The following EFHC2 variants were observed in gnomAD, a reference collection of about 807,000 sequenced individuals.
EFHC2 encodes EF-hand domain containing 2.
In EFHC2, 18 loss-of-function variants were observed where a neutral mutation model predicts 52.7. The ratio of observed to expected loss-of-function variants is 0.34; its 90% confidence interval spans 0.24 to 0.51. EFHC2 has a LOEUF of 0.51. Among genes scored for constraint, EFHC2 ranks in the 20% least tolerant of loss-of-function variants. EFHC2 has a pLI of 0.97. For missense variants in EFHC2, 513 were observed against 562.5 expected (o/e 0.91, Z 0.89); for synonymous variants, 203 against 204.1 (o/e 0.99, Z 0.04).
chrX:44,179,776 CTG>C (rs2036819721), intron 11 of EFHC2, among the ~76,000 whole-genome samples: 1 of 112,317 alleles, frequency 8.9e-6, no homozygotes, highest in South Asian at 3.7e-4. Flanking sequence ...ATGGAAAACA[CTG>C]TAAAAGGCTC....
chrX:44,184,827 A>G (rs1276301066), intron 11 of EFHC2, among the ~76,000 whole-genome samples: 1 of 110,477 alleles, frequency 9.1e-6, no homozygotes, highest in Non-Finnish European at 1.9e-5. Flanking sequence ...TCACACTCTA[A>G]CGGTATATAA....
intron 13 of EFHC2, among the ~76,000 whole-genome samples, chrX:44,166,532 A>G (rs1435400162): frequency 6.3e-5 from 7 of 111,436 alleles, no homozygotes; most frequent in African/African-American, 2.3e-4. Flanking sequence ...AGTCCATTTG[A>G]AGATATAAAT....
At chrX:44,279,820 T>G (rs2037688355) in intron 2 of EFHC2, among the ~76,000 whole-genome samples, 1 of 110,015 alleles carries the variant, frequency 9.1e-6, no homozygotes, top group South Asian at 3.8e-4. Context: ...ATTATATAAC[T>G]CTCCAGGATA....
At chrX:44,325,056 T>C (rs2038043851) in intron 1 of EFHC2, among the ~76,000 whole-genome samples, 1 of 112,144 alleles carries the variant, frequency 8.9e-6, no homozygotes, top group Admixed American at 9.5e-5. Flanking sequence ...TTGCTATTGT[T>C]ATTCTAATTG....
chrX:44,232,586 G>A lies in EFHC2; in HGVS notation c.1515C>T (p.Ala505=), dbSNP rs756531437. Residue 505 remains alanine (A), a synonymous_variant, in exon 10 of 15, where the codon GCC becomes GCT. Coordinates refer to ENST00000420999, the MANE Select transcript of EFHC2 (RefSeq NM_025184.4). The part of the protein sequence containing the change: ...FKSELSEYIK[A]EELYIGVTVN... ...CCGTGACTCCAATGTACAGCTCCTC[G>A]GCCTTGATATATTCAGATAGTTCAC... 6.7e-6 allele frequency: 8 copies of A among 1,192,205 alleles called. No homozygotes were observed. The highest frequency in any genetic ancestry group is 2.3e-4 in the Middle Eastern group (1 of 4,343).
At chrX:44,305,626 C>T (rs1278769633) in intron 2 of EFHC2, among the ~76,000 whole-genome samples, 1 of 112,518 alleles carries the variant, frequency 8.9e-6, no homozygotes. Flanking sequence ...GGCCCTGCTC[C>T]TGATCATTGT....
intron 1 of EFHC2, among the ~76,000 whole-genome samples, chrX:44,334,935 C>A (rs960198189): frequency 9.1e-6 from 1 of 110,374 alleles, no homozygotes; most frequent in Admixed American, 9.8e-5. Flanking sequence ...TTTATTGCAA[C>A]ATTATTGGAT....
At chrX:44,339,178 G>A (rs1482151512) in intron 1 of EFHC2, among the ~76,000 whole-genome samples, 2 of 86,479 alleles carry the variant, frequency 2.3e-5, no homozygotes, top group African/African-American at 5.3e-5. Context: ...GTGACAGAGC[G>A]AGACTCCATC....
chrX:44,274,400 G>C (rs1279965330), intron 2 of EFHC2, among the ~76,000 whole-genome samples: 1 of 111,836 alleles, frequency 8.9e-6, no homozygotes, highest in East Asian at 2.8e-4. Context: ...TTTCCTTCTG[G>C]GGTGACAAAA....
intron 2 of EFHC2, among the ~76,000 whole-genome samples, chrX:44,279,465 GACT>G (rs1249135008): frequency 1.8e-5 from 2 of 111,256 alleles, no homozygotes; most frequent in Non-Finnish European, 3.8e-5. Flanking sequence ...TAAATCCAAG[GACT>G]TTTTAAATAA....
chrX:44,203,716 A>T (rs1458315270), intron 11 of EFHC2, among the ~76,000 whole-genome samples: 2 of 111,221 alleles, frequency 1.8e-5, no homozygotes, highest in African/African-American at 6.6e-5. Context: ...CCTCCCCAGT[A>T]TCTGGAACTA....
At chrX:44,287,214 A>G (rs973735549) in intron 2 of EFHC2, among the ~76,000 whole-genome samples, 6 of 110,531 alleles carry the variant, frequency 5.4e-5, no homozygotes, top group African/African-American at 2.0e-4. Context: ...TAAATAAAAA[A>G]TGTAAGTATA....
intron 11 of EFHC2, among the ~76,000 whole-genome samples, chrX:44,223,404 C>A (rs2037208707): frequency 1.8e-5 from 2 of 112,500 alleles, no homozygotes; most frequent in African/African-American, 6.5e-5. Context: ...ACAAGTTCTA[C>A]AGCCCTGTTT....
At chrX:44,184,482 G>A (rs1166817010) in intron 11 of EFHC2, among the ~76,000 whole-genome samples, 1 of 111,335 alleles carries the variant, frequency 9.0e-6, no homozygotes, top group East Asian at 2.8e-4. Context: ...CAGCACTTTG[G>A]GAGGCTGAGG....
intron 1 of EFHC2, among the ~76,000 whole-genome samples, chrX:44,336,368 G>C (rs1477926112): frequency 9.3e-6 from 1 of 107,729 alleles, no homozygotes; most frequent in East Asian, 2.9e-4. Context: ...CTGGGCGACA[G>C]AGTGAGACTC....
At chrX:44,297,236 A>T (rs1386919936) in intron 2 of EFHC2, among the ~76,000 whole-genome samples, 1 of 111,662 alleles carries the variant, frequency 9.0e-6, no homozygotes, top group African/African-American at 3.3e-5. Context: ...CCTCAGTCTA[A>T]CTGAAAAGCC....
At chrX:44,322,943 G>A (rs1270362667) in intron 1 of EFHC2, among the ~76,000 whole-genome samples, 1 of 110,519 alleles carries the variant, frequency 9.0e-6, no homozygotes, top group Non-Finnish European at 1.9e-5. Context: ...AACCTGGGAG[G>A]TGGAGGTTGC....
intron 14 of EFHC2, among the ~76,000 whole-genome samples, chrX:44,157,741 C>T (rs991263616): frequency 4.3e-5 from 3 of 69,848 alleles, no homozygotes; most frequent in Admixed American, 3.2e-4. Flanking sequence ...GCTCCACCCC[C>T]CTCCCCGCCC....
intron 11 of EFHC2, among the ~76,000 whole-genome samples, chrX:44,229,435 C>G (rs1365287950): frequency 8.9e-6 from 1 of 112,075 alleles, no homozygotes; most frequent in African/African-American, 3.2e-5. Context: ...ATGCTCTTGT[C>G]CCTCTGTTCT....
Sources: allele counts gnomAD v4.1 joint callset (sites outside exome capture counted in the v4.1 genomes callset), GRCh38; gene constraint gnomAD v4.1.1; transcripts MANE v1.5; gene names NCBI Gene and HGNC (gene_info 2026-07-23, HGNC 2026-07-21).